MAGI2: variants seen among roughly 807,000 people sequenced by gnomAD.
MAGI2 encodes membrane associated guanylate kinase, WW and PDZ domain containing 2, also known as membrane-associated guanylate kinase, WW and PDZ domain-containing protein 2.
A neutral mutation model predicts 133.3 loss-of-function variants in MAGI2; 35 were observed. The observed-to-expected ratio is 0.26, with a 90% CI of 0.20 to 0.35. The LOEUF (loss-of-function observed/expected upper bound fraction) is 0.35. MAGI2 is among the 10% of genes least tolerant of loss of function. The pLI is 1.00. For missense variants in MAGI2, 1,636 were observed against 1,863.4 expected, an observed-to-expected ratio of 0.88 and a Z score of 2.25; for synonymous variants, 729 against 710.6, an observed-to-expected ratio of 1.03 and a Z score of -0.41.
At chr7:79,331,275 A>T (rs1048759394) in intron 1 of MAGI2, among the ~76,000 whole-genome samples, 39 of 152,174 alleles carry the variant, frequency 2.6e-4, no homozygotes, top group African/African-American at 9.4e-4. Flanking sequence ...CATAATATGC[A>T]AAGTTTCACC....
intron 21 of MAGI2, among the ~76,000 whole-genome samples, chr7:78,027,668 AC>A (rs1369055852): frequency 6.6e-6 from 1 of 151,748 alleles, no homozygotes; most frequent in Non-Finnish European, 1.5e-5. Flanking sequence ...AAGAAATATG[AC>A]CTGCAATCAG....
chr7:79,278,318 C>T (rs1202632618), intron 1 of MAGI2, among the ~76,000 whole-genome samples: 2 of 152,166 alleles, frequency 1.3e-5, no homozygotes, highest in Non-Finnish European at 2.9e-5. Flanking sequence ...TGGTGCCATG[C>T]TTCCTGTACA....
At chr7:78,800,269 T>G (rs1369042272) in intron 2 of MAGI2, among the ~76,000 whole-genome samples, 1 of 152,072 alleles carries the variant, frequency 6.6e-6, no homozygotes, top group Non-Finnish European at 1.5e-5. Flanking sequence ...CAAAGCTTAT[T>G]TTTACTGACA....
chr7:78,920,679 C>T (rs867106743), intron 2 of MAGI2, among the ~76,000 whole-genome samples: 10 of 151,996 alleles, frequency 6.6e-5, no homozygotes, highest in Non-Finnish European at 1.3e-4. Context: ...TTTTTCCTAT[C>T]TTTCACCTTT....
At chr7:79,090,938 C>T (rs1816989159) in intron 1 of MAGI2, among the ~76,000 whole-genome samples, 1 of 152,008 alleles carries the variant, frequency 6.6e-6, no homozygotes, top group Non-Finnish European at 1.5e-5. Context: ...GTGTACAGCT[C>T]AGCACCTAGT....
rs142815739 is a variant in MAGI2, at chr7:78,086,973, T to C, written c.3568-7888A>G. Among the ~76,000 whole-genome samples, 874 of 152,288 alleles carry C rather than the reference T, an allele frequency of 5.7e-3. 7 individuals carry two copies. Among genetic ancestry groups the C allele is most frequent in the African/African-American group, 0.02 (817 of 41,562 alleles). On this transcript the variant is annotated intron_variant, in intron 20 of 21. Transcript: ENST00000354212. ...CTAAGGTATTTGGCATGTTTCCTTT[T>C]TGGTGCCTTTCTCTGTGCTGTTCTT...
At chr7:78,565,505 T>G (rs17438614) in intron 3 of MAGI2, among the ~76,000 whole-genome samples, 1 of 151,738 alleles carries the variant, frequency 6.6e-6, no homozygotes, top group East Asian at 1.9e-4. Context: ...AATTAATATA[T>G]GTAAGATGTT....
intron 10 of MAGI2, among the ~76,000 whole-genome samples, chr7:78,213,408 C>T (rs574554541): frequency 8.6e-5 from 13 of 152,042 alleles, no homozygotes; most frequent in Admixed American, 1.3e-4. Flanking sequence ...TTTTTTTGTC[C>T]TTTGACTCCC....
Position 78,851,495 on chromosome 7 carries a change from ACAT to A in MAGI2, c.418+155592_418+155594del, listed in dbSNP as rs1220915313. Among the ~76,000 whole-genome samples the A allele has an allele frequency of 3.9e-5, 6 of 152,212 alleles. No homozygotes were observed. The East Asian group carries it at 1.2e-3, about 29-fold the overall frequency. On this transcript the variant is annotated intron_variant, in intron 2 of 21. Transcript: ENST00000354212. Reference sequence around the variant, plus strand: ...AGTTACCACTCAATTTAAAAAGATAACATTCCCATTACAATGGCAACTCCCTGT... The same window carrying A: ...AGTTACCACTCAATTTAAAAAGATAATCCCATTACAATGGCAACTCCCTGT...
chr7:79,147,918 G>A (rs970623535), intron 1 of MAGI2, among the ~76,000 whole-genome samples: 1 of 152,134 alleles, frequency 6.6e-6, no homozygotes, highest in African/African-American at 2.4e-5. Flanking sequence ...GTCAGAACCT[G>A]GCTTTAAGGT....
At chr7:78,285,308 A>G (rs141869065) in intron 9 of MAGI2, among the ~76,000 whole-genome samples, 31 of 152,286 alleles carry the variant, frequency 2.0e-4, no homozygotes, top group African/African-American at 6.7e-4. Context: ...ATAGTTACAT[A>G]ATACAGTTAC....
chr7:78,039,478 C>G (rs1268475984), intron 21 of MAGI2: 2 of 152,178 alleles, frequency 1.3e-5, no homozygotes, highest in Non-Finnish European at 2.9e-5. Flanking sequence ...ACTTTGTGCT[C>G]TAGGTCAATA....
chr7:79,206,738 C>A (rs1393230157), intron 1 of MAGI2, among the ~76,000 whole-genome samples: 1 of 151,700 alleles, frequency 6.6e-6, no homozygotes, highest in East Asian at 1.9e-4. Context: ...CACCCTGACA[C>A]CAAAAGCAGA....
At chr7:78,868,084 A>G (rs1794732920) in intron 2 of MAGI2, among the ~76,000 whole-genome samples, 1 of 152,232 alleles carries the variant, frequency 6.6e-6, no homozygotes, top group East Asian at 1.9e-4. Flanking sequence ...AAATACTGCA[A>G]AAAGATAACA....
intron 2 of MAGI2, among the ~76,000 whole-genome samples, chr7:78,963,559 A>AG (rs1803044767): frequency 6.6e-6 from 1 of 152,044 alleles, no homozygotes; most frequent in Non-Finnish European, 1.5e-5. Flanking sequence ...AACAACATGT[A>AG]AACTGGGAGA....
intron 3 of MAGI2, among the ~76,000 whole-genome samples, chr7:78,526,227 T>C (rs576266369): frequency 6.6e-6 from 1 of 152,322 alleles, no homozygotes; most frequent in African/African-American, 2.4e-5. Flanking sequence ...GAGGAGAACT[T>C]CATTCAAAGC....
At chr7:78,893,004 A>G (rs1796895321) in intron 2 of MAGI2, among the ~76,000 whole-genome samples, 2 of 152,202 alleles carry the variant, frequency 1.3e-5, no homozygotes, top group East Asian at 1.9e-4. Flanking sequence ...AATATCCAGA[A>G]TCTACAATGA....
At chr7:79,050,353 C>T (rs1812562877) in intron 1 of MAGI2, among the ~76,000 whole-genome samples, 1 of 152,144 alleles carries the variant, frequency 6.6e-6, no homozygotes, top group Non-Finnish European at 1.5e-5. Flanking sequence ...TTTAATGTCA[C>T]ACTATGGGTC....
chr7:78,549,454 C>T (rs1329781742), intron 3 of MAGI2, among the ~76,000 whole-genome samples: 1 of 151,916 alleles, frequency 6.6e-6, no homozygotes, highest in African/African-American at 2.4e-5. Context: ...TTCCTCACAG[C>T]ATCCATCCAA....
Sources: allele counts gnomAD v4.1 joint callset (sites outside exome capture counted in the v4.1 genomes callset), GRCh38; gene constraint gnomAD v4.1.1; transcripts MANE v1.5; gene names NCBI Gene and HGNC (gene_info 2026-07-23, HGNC 2026-07-21).